PLXNA4: variants seen among roughly 807,000 people sequenced by gnomAD.
PLXNA4 encodes the protein plexin-A4.
PLXNA4 carries 44 observed loss-of-function variants against 191.8 expected under a neutral mutation model. The observed-to-expected ratio is 0.23, with a 90% CI of 0.18 to 0.29. The LOEUF is 0.29. Ranked by LOEUF, PLXNA4 falls within the 10% of genes least tolerant of loss-of-function variation. PLXNA4 has a pLI of 1.00. For synonymous variants in PLXNA4, 1,082 were observed against 1,009.5 expected (o/e 1.07, Z -1.36); for missense variants, 1,800 against 2,488.8 (o/e 0.72, Z 5.89).
In PLXNA4 at chr7:132,187,572, C is replaced by A. The variant is rs777684954; in HGVS notation, c.2892G>T (p.Gly964=). Residue 964 remains glycine, a synonymous_variant, in exon 15 of 32, where the codon GGG becomes GGT. Transcript: ENST00000321063. ...TCACTTGGGTCCCTCCGGACATGGG[C>A]CCCCGGCTGGGCTTCAGATCTGAGA... The part of the protein sequence containing the change: ...LTLSDLKPSR[G]PMSGGTQVTI... The A allele has an allele frequency of 6.2e-7, 1 of 1,613,398 alleles. No homozygotes were observed. Among genetic ancestry groups the A allele is most frequent in the Non-Finnish European group, 8.5e-7 (1 of 1,179,654 alleles).
intron 2 of PLXNA4, among the ~76,000 whole-genome samples, chr7:132,616,942 G>C (rs1376844562): frequency 1.3e-5 from 2 of 152,038 alleles, no homozygotes; most frequent in Non-Finnish European, 2.9e-5. Context: ...CAGCAAATGG[G>C]TCCCTTCTGA....
chr7:132,484,174 T>A (rs544678911), intron 3 of PLXNA4, among the ~76,000 whole-genome samples: 23 of 152,230 alleles, frequency 1.5e-4, no homozygotes, highest in African/African-American at 5.1e-4. Context: ...TGAGTAAAAC[T>A]TGGGAAGAAA....
intron 2 of PLXNA4, among the ~76,000 whole-genome samples, chr7:132,493,313 G>A (rs936742770): frequency 5.3e-5 from 8 of 152,184 alleles, no homozygotes; most frequent in Non-Finnish European, 1.5e-5. Context: ...CTGGCCTCCT[G>A]TCACTCCACA....
chr7:132,397,192 A>C (rs1793802875), intron 3 of PLXNA4, among the ~76,000 whole-genome samples: 2 of 152,238 alleles, frequency 1.3e-5, no homozygotes, highest in Admixed American at 6.5e-5. Flanking sequence ...GGTTTTTAAG[A>C]GACAGTGTTT....
chr7:132,453,595 G>A (rs1165257290), intron 3 of PLXNA4, among the ~76,000 whole-genome samples: 1 of 151,830 alleles, frequency 6.6e-6, no homozygotes, highest in Non-Finnish European at 1.5e-5. Context: ...AGGCTGGAGA[G>A]CAGTGGCGCA....
At chr7:132,621,246 G>GTTTTTTTTTTTTTTTTTTTTTT (rs373540061) in intron 2 of PLXNA4, among the ~76,000 whole-genome samples, 1 of 127,632 alleles carries the variant, frequency 7.8e-6, no homozygotes, top group African/African-American at 3.0e-5. Flanking sequence ...GTTTTTTTTT[G>GTTTTTTTTTTTTTTTTTTTTTT]TTTTTTTTTT....
intron 3 of PLXNA4, among the ~76,000 whole-genome samples, chr7:132,460,094 C>T (rs558623497): frequency 2.6e-5 from 4 of 152,268 alleles, no homozygotes; most frequent in Admixed American, 6.5e-5. Context: ...TGGCTCACTC[C>T]GGTAATCCCA....
At chr7:132,135,907 G>A (rs1456182108) in intron 30 of PLXNA4, among the ~76,000 whole-genome samples, 1 of 152,154 alleles carries the variant, frequency 6.6e-6, no homozygotes, top group Non-Finnish European at 1.5e-5. Context: ...ACATACTATT[G>A]ACAGGTGGGC....
At position 132,130,391 on chromosome 7, in the gene PLXNA4, T is replaced by A; in HGVS notation, c.*88A>T. On this transcript the variant is annotated 3_prime_UTR_variant, in exon 32 of 32. Transcript: ENST00000321063. Reference sequence around the variant, plus strand: ...GCTCAGGGGATGCTGCTGATGCCAGTCGGAACTTGCACTTGGTAAAGATGA... The same window carrying A: ...GCTCAGGGGATGCTGCTGATGCCAGACGGAACTTGCACTTGGTAAAGATGA... 1 of 1,585,808 alleles carries A rather than the reference T, an allele frequency of 6.3e-7. No individual in the cohort carries two copies. Among genetic ancestry groups the A allele is most frequent in the Non-Finnish European group, 8.6e-7 (1 of 1,157,368 alleles).
chr7:132,194,324 C>A, intron 13 of PLXNA4, 145 bp from the exon 14 acceptor site: 1 of 1,336,326 alleles, frequency 7.5e-7, no homozygotes, highest in East Asian at 2.4e-5. Flanking sequence ...TATCCTAATT[C>A]CTCCTAGCAG....
intron 1 of PLXNA4, among the ~76,000 whole-genome samples, chr7:132,544,772 G>A (rs555959191): frequency 9.2e-5 from 14 of 152,236 alleles, no homozygotes; most frequent in Admixed American, 4.6e-4. Context: ...CCTTCCATGT[G>A]TATGAGTGAA....
chr7:132,411,997 G>C (rs1021651097), intron 3 of PLXNA4, among the ~76,000 whole-genome samples: 1 of 152,012 alleles, frequency 6.6e-6, no homozygotes, highest in African/African-American at 2.4e-5. Context: ...TGTCCACAGG[G>C]AGCCTTTCTC....
At chr7:132,584,896 T>G (rs1421997631) in intron 2 of PLXNA4, among the ~76,000 whole-genome samples, 2 of 152,138 alleles carry the variant, frequency 1.3e-5, no homozygotes, top group African/African-American at 4.8e-5. Context: ...CTCTGCTCAC[T>G]CTCTCTTCTC....
rs570335810 is a variant in PLXNA4, at chr7:132,373,079, C to T, written c.1372-74857G>A. 2.6e-5 allele frequency among the ~76,000 whole-genome samples: 4 copies of T among 152,258 alleles called. No individual in the cohort carries two copies. In the South Asian group the frequency reaches 6.2e-4, roughly 24 times the overall value. On this transcript the variant is annotated intron_variant, in intron 3 of 31. Transcript: ENST00000321063. ...CCTTTTAATCTTCAAAATACTATGT[C>T]GTTGGTAAATATCATTATTCCCATT...
At chr7:132,291,014 A>C (rs1312492490) in intron 4 of PLXNA4, among the ~76,000 whole-genome samples, 1 of 152,214 alleles carries the variant, frequency 6.6e-6, no homozygotes, top group Non-Finnish European at 1.5e-5. Flanking sequence ...CCAGGAGATC[A>C]ATACTGTTTA....
At chr7:132,450,973 T>C (rs6959905) in intron 3 of PLXNA4, among the ~76,000 whole-genome samples, 106,598 of 152,094 alleles carry the variant, frequency 0.7, 43,426 homozygotes, top group Non-Finnish European at 0.91. Context: ...ATGATTCAAG[T>C]CAGAGAATAA....
intron 21 of PLXNA4, among the ~76,000 whole-genome samples, chr7:132,169,605 T>C (rs180874925): frequency 1.4e-4 from 22 of 152,310 alleles, no homozygotes; most frequent in Admixed American, 1.4e-3. Flanking sequence ...GGCATAGTCT[T>C]CATAGAATAC....
Position 132,179,700 on chromosome 7 carries a change from C to A in PLXNA4, c.3861G>T (p.Leu1287=). ...GCCACTCAGTACCTTCCTTGCACTC[C>A]AGGGCCACACGGGACTCCAGGTTGT... ...QMDNLESRVA[L]ECKEAFAELQ... Residue 1287 remains leucine (L), a synonymous_variant, in exon 20 of 32, where the codon CTG becomes CTT. Coordinates refer to ENST00000321063, the MANE Select transcript of PLXNA4 (RefSeq NM_020911.2). 2 of 1,613,694 alleles carry A rather than the reference C, an allele frequency of 1.2e-6. No homozygotes were observed. Among genetic ancestry groups the A allele is most frequent in the Non-Finnish European group, 1.7e-6 (2 of 1,179,596 alleles).
chr7:132,625,589 G>T (rs1803354426), intron 2 of PLXNA4, among the ~76,000 whole-genome samples: 1 of 152,158 alleles, frequency 6.6e-6, no homozygotes, highest in African/African-American at 2.4e-5. Context: ...GTCCTAGGCA[G>T]TTACAGGCCT....
Sources: gnomAD v4.1 joint callset for allele counts (sites outside exome capture counted in the v4.1 genomes callset) on GRCh38, gnomAD v4.1.1 for gene constraint, MANE v1.5 for transcripts, NCBI Gene and HGNC (gene_info 2026-07-23, HGNC 2026-07-21) for gene names.